FAF1: variants seen among roughly 807,000 people sequenced by gnomAD.
FAF1 encodes the protein Fas associated factor 1.
A neutral mutation model predicts 92.5 loss-of-function variants in FAF1; 25 were observed. That is an observed-to-expected ratio of 0.27 (90% CI 0.20 to 0.38). The LOEUF (loss-of-function observed/expected upper bound fraction) is 0.38. Among genes scored for constraint, FAF1 ranks in the 10% least tolerant of loss-of-function variants. The pLI is 1.00. For missense variants in FAF1, 636 were observed against 793.3 expected (o/e 0.80, Z 2.38); for synonymous variants, 234 against 273.2 (o/e 0.86, Z 1.42).
At chr1:50,766,056 C>CA (rs1553137268) in intron 4 of FAF1, among the ~76,000 whole-genome samples, 2 of 152,024 alleles carry the variant, frequency 1.3e-5, no homozygotes, top group Non-Finnish European at 2.9e-5. Context: ...CGCGCCATTG[C>CA]ACTCCAGCCT....
At chr1:50,768,340 T>C (rs780321397) in intron 4 of FAF1, among the ~76,000 whole-genome samples, 6 of 152,008 alleles carry the variant, frequency 3.9e-5, no homozygotes, top group Non-Finnish European at 8.8e-5. Flanking sequence ...AACCACACAA[T>C]AATAGTAGAC....
chr1:50,620,873 C>T (rs1249656517), intron 8 of FAF1, among the ~76,000 whole-genome samples: 1 of 152,264 alleles, frequency 6.6e-6, no homozygotes, highest in Admixed American at 6.5e-5. Context: ...GGCTCCCTCA[C>T]CAGGTCTGCT....
At chr1:50,525,200 A>T (rs1427163402) in intron 15 of FAF1, among the ~76,000 whole-genome samples, 1 of 152,136 alleles carries the variant, frequency 6.6e-6, no homozygotes, top group Non-Finnish European at 1.5e-5. Flanking sequence ...TATGTATTTT[A>T]AAAGTTTTTT....
intron 13 of FAF1, among the ~76,000 whole-genome samples, chr1:50,556,255 A>G (rs913462392): frequency 4.6e-5 from 7 of 151,230 alleles, no homozygotes; most frequent in Non-Finnish European, 7.4e-5. Context: ...AAAAAAAAAA[A>G]AAAAAGAATA....
At chr1:50,891,668 C>A (rs1187977248) in intron 1 of FAF1, among the ~76,000 whole-genome samples, 1 of 152,216 alleles carries the variant, frequency 6.6e-6, no homozygotes, top group Non-Finnish European at 1.5e-5. Flanking sequence ...GGCTGCAGAA[C>A]AGCGAATACT....
At chr1:50,536,258 A>T (rs1338575541) in intron 14 of FAF1, among the ~76,000 whole-genome samples, 2 of 152,200 alleles carry the variant, frequency 1.3e-5, no homozygotes, top group African/African-American at 4.8e-5. Context: ...CATATAGCAC[A>T]TATGTGCCAT....
intron 1 of FAF1, among the ~76,000 whole-genome samples, chr1:50,862,863 C>T (rs1268382693): frequency 6.6e-6 from 1 of 151,882 alleles, no homozygotes; most frequent in African/African-American, 2.4e-5. Flanking sequence ...TATACATACA[C>T]TAAACACTGG....
intron 7 of FAF1, among the ~76,000 whole-genome samples, chr1:50,689,641 G>C (rs1656829343): frequency 6.6e-6 from 1 of 152,254 alleles, no homozygotes; most frequent in South Asian, 2.1e-4. Context: ...ACATGTACAT[G>C]AATGTTCACA....
chr1:50,937,852 C>T (rs1645099883), intron 1 of FAF1, among the ~76,000 whole-genome samples: 2 of 152,080 alleles, frequency 1.3e-5, no homozygotes, highest in African/African-American at 2.4e-5. Context: ...AGCAGATAAT[C>T]GAAAAATCTT....
chr1:50,449,884 T>C (rs1646274246), intron 18 of FAF1, among the ~76,000 whole-genome samples: 1 of 152,038 alleles, frequency 6.6e-6, no homozygotes, highest in South Asian at 2.1e-4. Flanking sequence ...TAAGTAATTA[T>C]TAACATCATC....
At chr1:50,821,507 G>C (rs938096455) in intron 2 of FAF1, among the ~76,000 whole-genome samples, 1 of 152,150 alleles carries the variant, frequency 6.6e-6, no homozygotes, top group Non-Finnish European at 1.5e-5. Context: ...TAAAGGCATA[G>C]AGCCTTCATA....
intron 7 of FAF1, among the ~76,000 whole-genome samples, chr1:50,701,693 T>C (rs1322742285): frequency 2.0e-5 from 3 of 152,098 alleles, no homozygotes; most frequent in Non-Finnish European, 2.9e-5. Flanking sequence ...CAGATTATTT[T>C]TAAGGATTGG....
intron 9 of FAF1, among the ~76,000 whole-genome samples, chr1:50,589,100 CTACT>C (rs1429856860): frequency 2.0e-5 from 3 of 152,164 alleles, no homozygotes; most frequent in Non-Finnish European, 4.4e-5. Flanking sequence ...GCAAGATCAC[CTACT>C]TATAGACATA....
chr1:50,943,344 A>C (rs1168645802), intron 1 of FAF1, among the ~76,000 whole-genome samples: 1 of 152,228 alleles, frequency 6.6e-6, no homozygotes, highest in African/African-American at 2.4e-5. Flanking sequence ...CCCATAAGCC[A>C]TCAGGGTCTA....
intron 1 of FAF1, among the ~76,000 whole-genome samples, chr1:50,865,165 G>C (rs931935480): frequency 2.6e-5 from 4 of 151,974 alleles, no homozygotes; most frequent in Non-Finnish European, 4.4e-5. Flanking sequence ...TTAGAATGGC[G>C]ATCATTAAAA....
chr1:50,911,821 T>A (rs1246448195), intron 1 of FAF1, among the ~76,000 whole-genome samples: 3 of 151,966 alleles, frequency 2.0e-5, no homozygotes, highest in African/African-American at 7.3e-5. Flanking sequence ...TCACTTGAGC[T>A]CAAGAGTTCA....
intron 1 of FAF1, among the ~76,000 whole-genome samples, chr1:50,940,313 T>C (rs1645121387): frequency 6.6e-6 from 1 of 152,230 alleles, no homozygotes; most frequent in African/African-American, 2.4e-5. Flanking sequence ...TGGCAGAGTA[T>C]TTTTACTATA....
intron 8 of FAF1, among the ~76,000 whole-genome samples, chr1:50,639,269 A>C (rs977969624): frequency 6.6e-6 from 1 of 152,190 alleles, no homozygotes; most frequent in Non-Finnish European, 1.5e-5. Context: ...TCAAGTACAA[A>C]TCTTTGTGAG....
intron 2 of FAF1, among the ~76,000 whole-genome samples, chr1:50,836,923 T>C (rs1228138425): frequency 6.6e-6 from 1 of 151,478 alleles, no homozygotes; most frequent in East Asian, 1.9e-4. Context: ...ACTCTTCCAA[T>C]TGTCTCTTAC....
Sources: allele counts gnomAD v4.1 joint callset (sites outside exome capture counted in the v4.1 genomes callset), GRCh38; gene constraint gnomAD v4.1.1; transcripts MANE v1.5; gene names NCBI Gene and HGNC (gene_info 2026-07-23, HGNC 2026-07-21).